The following ARHGAP6 variants were observed in gnomAD, a reference collection of about 807,000 sequenced individuals.
ARHGAP6 encodes Rho GTPase activating protein 6.
Under a neutral mutation model 55.7 loss-of-function variants are expected in ARHGAP6, and 16 were observed. The observed-to-expected ratio is 0.29, with a 90% CI of 0.19 to 0.44. The LOEUF (loss-of-function observed/expected upper bound fraction) is 0.44. Ranked by LOEUF, ARHGAP6 falls within the 20% of genes least tolerant of loss-of-function variation. The pLI is 1.00. For synonymous variants in ARHGAP6, 382 were observed against 360.9 expected, an observed-to-expected ratio of 1.06 and a Z score of -0.66; for missense variants, 698 against 808.9, an observed-to-expected ratio of 0.86 and a Z score of 1.66.
intron 1 of ARHGAP6, among the ~76,000 whole-genome samples, chrX:11,528,100 T>C (rs1442902809): frequency 2.7e-5 from 3 of 112,274 alleles, no homozygotes; most frequent in Non-Finnish European, 5.6e-5. Flanking sequence ...TCGATAAGTA[T>C]GGCTGGATTC....
rs147677373 is a variant in ARHGAP6 at position 11,457,793 on chromosome X, G to C, written c.589-203086C>G. Among the ~76,000 whole-genome samples, 18 of 111,816 alleles carry C rather than the reference G, an allele frequency of 1.6e-4. No homozygotes were observed. The East Asian group carries it at 4.8e-3, about 30-fold the overall frequency. On this transcript the variant is annotated intron_variant, in intron 1 of 12. Transcript: ENST00000337414. ...CATCACCCCTCACTGGGACATTTCT[G>C]AATTGTGTTCTACACAGGCCCTCAG...
chrX:11,564,466 CT>C (rs1210687504), intron 1 of ARHGAP6, among the ~76,000 whole-genome samples: 17 of 105,965 alleles, frequency 1.6e-4, no homozygotes, highest in East Asian at 5.8e-4. Context: ...TCCAACAGAA[CT>C]TTTTTTTTTA....
Position 11,643,471 on chromosome X carries a change from A to G in ARHGAP6, c.588+20770T>C, listed in dbSNP as rs142150680. On this transcript the variant is annotated intron_variant, in intron 1 of 12. Transcript: ENST00000337414. ...ATTTTTTACAACTATTGTTTAACTTACACCAAGTAATATCTGTTTATTTTA... is the reference window on the plus strand; with the variant it reads ...ATTTTTTACAACTATTGTTTAACTTGCACCAAGTAATATCTGTTTATTTTA... Among the ~76,000 whole-genome samples the G allele has an allele frequency of 6.7e-3, 754 of 112,127 alleles. 7 individuals are homozygous for G. Among genetic ancestry groups the G allele is most frequent in the African/African-American group, 0.022 (696 of 30,959 alleles).
At chrX:11,334,440 G>A (rs2048603061) in intron 1 of ARHGAP6, 1 of 113,551 alleles carries the variant, frequency 8.8e-6, no homozygotes, top group Non-Finnish European at 1.9e-5. Flanking sequence ...CCTTACTGCA[G>A]TTGGAGATCA....
In ARHGAP6 at chrX:11,550,486, A is replaced by G. The variant is rs1405368512; in HGVS notation, c.588+113755T>C. Among the ~76,000 whole-genome samples, 12 of 112,261 alleles carry G rather than the reference A, an allele frequency of 1.1e-4. No homozygotes were observed. In the Admixed American group the frequency reaches 1.1e-3, roughly 11 times the overall value. ...TGATGCATAGACCACACTCCAGACC[A>G]ATTAAATTAGATTATCTTGGGTGTG... On this transcript the variant is annotated intron_variant, in intron 1 of 12. Transcript: ENST00000337414.
chrX:11,425,149 C>T (rs2147781864), intron 1 of ARHGAP6, among the ~76,000 whole-genome samples: 1 of 111,809 alleles, frequency 8.9e-6, no homozygotes, highest in Non-Finnish European at 1.9e-5. Context: ...AAGAGCATTA[C>T]ATACTTATCC....
At chrX:11,294,775 A>G in intron 1 of ARHGAP6, 1 of 1,210,725 alleles carries the variant, frequency 8.3e-7, no homozygotes, top group Non-Finnish European at 1.1e-6. Flanking sequence ...CTTACATTTC[A>G]GAACCATCAA....
At chrX:11,660,667 C>G (rs1318465890) in intron 1 of ARHGAP6, among the ~76,000 whole-genome samples, 1 of 108,173 alleles carries the variant, frequency 9.2e-6, no homozygotes, top group Non-Finnish European at 1.9e-5. Flanking sequence ...CTGCAGGTGC[C>G]CTAACCTGCT....
At chrX:11,189,100 A>C in intron 3 of ARHGAP6, 116 bp from the exon 4 acceptor site, 1 of 896,909 alleles carries the variant, frequency 1.1e-6, no homozygotes, top group Non-Finnish European at 1.5e-6. Flanking sequence ...TTTCTGAAGA[A>C]TTGACTCATC....
chrX:11,527,347 C>T (rs750274160), intron 1 of ARHGAP6, among the ~76,000 whole-genome samples: 1 of 112,209 alleles, frequency 8.9e-6, no homozygotes, highest in South Asian at 3.7e-4. Flanking sequence ...GGCACAGTGG[C>T]TCACACTTGT....
intron 1 of ARHGAP6, among the ~76,000 whole-genome samples, chrX:11,341,496 T>C (rs1030662522): frequency 6.2e-5 from 7 of 112,458 alleles, no homozygotes; most frequent in African/African-American, 2.3e-4. Flanking sequence ...ATGTCAGCAT[T>C]TATTCATGAC....
At chrX:11,413,549 A>G (rs946860341) in intron 1 of ARHGAP6, among the ~76,000 whole-genome samples, 1 of 111,828 alleles carries the variant, frequency 8.9e-6, no homozygotes, top group Non-Finnish European at 1.9e-5. Context: ...AGTTTAAAGA[A>G]CAGGAGACTG....
At chrX:11,414,442 T>C (rs932132814) in intron 1 of ARHGAP6, among the ~76,000 whole-genome samples, 2 of 110,517 alleles carry the variant, frequency 1.8e-5, no homozygotes, top group Admixed American at 2.0e-4. Context: ...AAGCAGGCAG[T>C]TGTCTGGATT....
At chrX:11,310,746 C>T (rs1237539330) in intron 1 of ARHGAP6, among the ~76,000 whole-genome samples, 3 of 111,644 alleles carry the variant, frequency 2.7e-5, no homozygotes, top group African/African-American at 9.8e-5. Context: ...GGAGCTACAA[C>T]CACTGGTCCC....
At chrX:11,224,334 C>G in intron 2 of ARHGAP6, 2 of 487,472 alleles carry the variant, frequency 4.1e-6, no homozygotes, top group Non-Finnish European at 5.3e-6. Flanking sequence ...AGGAGAAGAA[C>G]TAATTGTTGG....
At chrX:11,463,089 T>G (rs935591817) in intron 1 of ARHGAP6, among the ~76,000 whole-genome samples, 1 of 112,157 alleles carries the variant, frequency 8.9e-6, no homozygotes, top group South Asian at 3.7e-4. Flanking sequence ...TCTTTCTGCA[T>G]CCAGTACAGA....
chrX:11,218,729 G>C (rs1334006833), intron 2 of ARHGAP6, among the ~76,000 whole-genome samples: 3 of 111,570 alleles, frequency 2.7e-5, no homozygotes, highest in African/African-American at 9.8e-5. Context: ...ATTTCTTCTA[G>C]ATTTTCTAAT....
intron 2 of ARHGAP6, among the ~76,000 whole-genome samples, chrX:11,241,303 C>T (rs1199563049): frequency 9.1e-6 from 1 of 110,112 alleles, no homozygotes; most frequent in Non-Finnish European, 1.9e-5. Context: ...TACCCTATCC[C>T]TTTTAATGTT....
intron 1 of ARHGAP6, among the ~76,000 whole-genome samples, chrX:11,446,799 T>C (rs2050096958): frequency 8.9e-6 from 1 of 112,164 alleles, no homozygotes; most frequent in Non-Finnish European, 1.9e-5. Context: ...TTGAGGAATA[T>C]CTATTTTATT....
Sources: gnomAD v4.1 joint callset for allele counts (sites outside exome capture counted in the v4.1 genomes callset) on GRCh38, gnomAD v4.1.1 for gene constraint, MANE v1.5 for transcripts, NCBI Gene and HGNC (gene_info 2026-07-23, HGNC 2026-07-21) for gene names.